SUGCT: variants seen among roughly 807,000 people sequenced by gnomAD.
SUGCT encodes succinyl-CoA:glutarate-CoA transferase.
SUGCT carries 41 observed loss-of-function variants against 55.0 expected under a neutral mutation model. The observed-to-expected ratio is 0.74, with a 90% CI of 0.58 to 0.97. SUGCT has a LOEUF of 0.97. SUGCT is among the 50% of genes least tolerant of loss of function. SUGCT has a pLI of 0.00. For missense variants in SUGCT, 568 were observed against 547.8 expected (o/e 1.04, Z -0.37); for synonymous variants, 187 against 200.4 (o/e 0.93, Z 0.56).
chr7:40,945,226 A>G, the SUGCT span, among the ~76,000 whole-genome samples: 1 of 152,052 alleles, frequency 6.6e-6, no homozygotes, highest in Non-Finnish European at 1.5e-5. Context: ...TTAGGGGGAA[A>G]GGAAGAAGCC....
chr7:40,292,385 C>T (rs1180914409), intron 8 of SUGCT, among the ~76,000 whole-genome samples: 2 of 152,014 alleles, frequency 1.3e-5, no homozygotes, highest in Non-Finnish European at 2.9e-5. Context: ...ATTTTCAGTT[C>T]AATCAGTTCT....
intron 12 of SUGCT, among the ~76,000 whole-genome samples, chr7:40,502,255 C>T (rs1199077943): frequency 6.6e-6 from 1 of 151,982 alleles, no homozygotes; most frequent in Non-Finnish European, 1.5e-5. Context: ...CAATCATTGA[C>T]TTTTACTAAA....
the SUGCT span, among the ~76,000 whole-genome samples, chr7:40,986,360 C>G: frequency 5.9e-5 from 9 of 152,000 alleles, no homozygotes; most frequent in Non-Finnish European, 1.5e-5. Context: ...TTGTACAAGC[C>G]AGTGAAATAA....
intron 12 of SUGCT, among the ~76,000 whole-genome samples, chr7:40,567,431 G>A (rs55881214): frequency 0.022 from 3,299 of 152,212 alleles, 118 homozygotes; most frequent in African/African-American, 0.072. Context: ...TTTTTCTTAG[G>A]AGTTTAAATG....
At position 40,623,656 on chromosome 7, in the gene SUGCT, GATA is replaced by G. The variant is rs1203980009; in HGVS notation, c.1090-125772_1090-125770del. Reference sequence around the variant, plus strand: ...ACTTCGTTAGAAGATTATTTACTCAGATAATAATCTTAAACTTGCCTTTTAAGT... The same window carrying G: ...ACTTCGTTAGAAGATTATTTACTCAGATAATCTTAAACTTGCCTTTTAAGT... On this transcript the variant is annotated intron_variant, in intron 12 of 13. Coordinates refer to ENST00000335693, the MANE Select transcript of SUGCT (RefSeq NM_001193313.2). Among the ~76,000 whole-genome samples, 11 of 152,150 alleles carry G rather than the reference GATA, an allele frequency of 7.2e-5. No homozygotes were observed. The East Asian group carries it at 2.1e-3, about 29-fold the overall frequency.
chr7:40,982,550 T>A, the SUGCT span, among the ~76,000 whole-genome samples: 425 of 152,318 alleles, frequency 2.8e-3, 2 homozygotes, highest in African/African-American at 0.01. Flanking sequence ...GTCCAAGAAG[T>A]GAGTAATACT....
intron 9 of SUGCT, among the ~76,000 whole-genome samples, chr7:40,366,233 C>G (rs540891264): frequency 1.4e-3 from 219 of 152,154 alleles, no homozygotes; most frequent in South Asian, 4.6e-3. Flanking sequence ...GAAACTGGAT[C>G]CCTTCCTTAC....
chr7:40,730,136 C>G (rs986935027), intron 12 of SUGCT, among the ~76,000 whole-genome samples: 1 of 152,172 alleles, frequency 6.6e-6, no homozygotes, highest in African/African-American at 2.4e-5. Flanking sequence ...GAGACGGAGT[C>G]TTGCTGTGTT....
the SUGCT span, among the ~76,000 whole-genome samples, chr7:40,868,342 G>C: frequency 6.6e-6 from 1 of 152,024 alleles, no homozygotes; most frequent in Non-Finnish European, 1.5e-5. Context: ...ACAGGCCCTG[G>C]TGTGTGTTGT....
the SUGCT span, among the ~76,000 whole-genome samples, chr7:41,025,528 A>G: frequency 2.8e-4 from 43 of 151,842 alleles, 1 homozygote; most frequent in South Asian, 4.6e-3. Context: ...CACCACCACT[A>G]CTAAAAATAG....
intron 6 of SUGCT, among the ~76,000 whole-genome samples, chr7:40,224,999 A>C (rs1239562099): frequency 2.0e-5 from 3 of 152,220 alleles, no homozygotes; most frequent in Admixed American, 2.0e-4. Context: ...CCATGAGGGA[A>C]CAAGACCTTT....
intron 12 of SUGCT, among the ~76,000 whole-genome samples, chr7:40,745,593 G>A (rs976973559): frequency 1.3e-5 from 2 of 152,094 alleles, no homozygotes; most frequent in African/African-American, 2.4e-5. Context: ...AGAGGTTGGC[G>A]CACTGACTAC....
At chr7:40,383,122 G>A (rs1300251468) in intron 9 of SUGCT, among the ~76,000 whole-genome samples, 1 of 152,152 alleles carries the variant, frequency 6.6e-6, no homozygotes, top group African/African-American at 2.4e-5. Context: ...AGTTCTCTGT[G>A]AAAGTGATGA....
intron 12 of SUGCT, among the ~76,000 whole-genome samples, chr7:40,718,111 C>T (rs1786123162): frequency 6.6e-6 from 1 of 152,098 alleles, no homozygotes; most frequent in Non-Finnish European, 1.5e-5. Context: ...TGATTTTGGT[C>T]ATTTGTATCA....
intron 11 of SUGCT, among the ~76,000 whole-genome samples, chr7:40,460,495 G>C (rs1027116688): frequency 3.9e-5 from 6 of 152,140 alleles, no homozygotes; most frequent in African/African-American, 1.4e-4. Context: ...ATAATTAATT[G>C]ATAAAGCTTT....
At chr7:40,339,853 A>C (rs1333527018) in intron 9 of SUGCT, among the ~76,000 whole-genome samples, 4 of 152,184 alleles carry the variant, frequency 2.6e-5, no homozygotes, top group Non-Finnish European at 5.9e-5. Context: ...TGGGAGCTGT[A>C]GACTGGAGCT....
chr7:40,751,688 T>C (rs1178405520), intron 13 of SUGCT, among the ~76,000 whole-genome samples: 1 of 152,162 alleles, frequency 6.6e-6, no homozygotes, highest in East Asian at 1.9e-4. Context: ...ACATCTCTCC[T>C]TGGAAGTCTG....
intron 6 of SUGCT, among the ~76,000 whole-genome samples, chr7:40,210,057 C>CT (rs1455911775): frequency 6.6e-6 from 1 of 151,688 alleles, no homozygotes; most frequent in African/African-American, 2.4e-5. Context: ...TTCTATTTTT[C>CT]TTTTTTTTAA....
intron 9 of SUGCT, among the ~76,000 whole-genome samples, chr7:40,368,585 G>T (rs1391594736): frequency 6.6e-6 from 1 of 152,154 alleles, no homozygotes; most frequent in Non-Finnish European, 1.5e-5. Flanking sequence ...GTCTGCAGTT[G>T]CCTCAAGCTC....
Sources: allele counts gnomAD v4.1 joint callset (sites outside exome capture counted in the v4.1 genomes callset), GRCh38; gene constraint gnomAD v4.1.1; transcripts MANE v1.5; gene names NCBI Gene and HGNC (gene_info 2026-07-23, HGNC 2026-07-21).